ABCA3: variants seen among roughly 807,000 people sequenced by gnomAD.
The protein encoded by ABCA3 is ATP binding cassette subfamily A member 3.
Under a neutral mutation model 172.8 loss-of-function variants are expected in ABCA3, and 88 were observed. That is an observed-to-expected ratio of 0.51 (90% CI 0.43 to 0.61). The LOEUF is 0.61. ABCA3 is among the 20% of genes least tolerant of loss of function. ABCA3 has a pLI of 0.00. For missense variants in ABCA3, 2,164 were observed against 2,301.0 expected, an observed-to-expected ratio of 0.94 and a Z score of 1.22; for synonymous variants, 1,066 against 983.8, an observed-to-expected ratio of 1.08 and a Z score of -1.56.
intron 10 of ABCA3, among the ~76,000 whole-genome samples, chr16:2,310,264 C>T (rs1472275561): frequency 6.6e-6 from 1 of 151,784 alleles, no homozygotes; most frequent in African/African-American, 2.4e-5. Context: ...ATTAGCTGGG[C>T]ATGGGTGGTG....
rs919381142 is a variant in ABCA3 at position 2,283,097 on chromosome 16, A to C, written c.4035+89T>G. Reference sequence around the variant, plus strand: ...TGGTGCAGGAGCTGCCTGGTGGAGAAGGAGGTGGAGCTGCCCCAGGTTGTG... The same window carrying C: ...TGGTGCAGGAGCTGCCTGGTGGAGACGGAGGTGGAGCTGCCCCAGGTTGTG... On this transcript the variant is annotated intron_variant, in intron 26 of 32. Coordinates refer to ENST00000301732, the MANE Select transcript of ABCA3 (RefSeq NM_001089.3). This position sits in a 1 kb window ranked among gnomAD's most constrained non-coding sequence, Gnocchi z 5.4. 1 of 1,389,802 alleles carries C rather than the reference A, an allele frequency of 7.2e-7. No homozygotes were observed. Among genetic ancestry groups the C allele is most frequent in the African/African-American group, 1.4e-5 (1 of 69,968 alleles). 86.1% of individuals were successfully genotyped at this position (1,389,802 alleles called of 1,614,324 possible). A position where few individuals can be genotyped will look rare whatever the true frequency, so the allele number is the denominator to read the frequency against.
At chr16:2,334,874 G>C (rs987540557) in intron 1 of ABCA3, among the ~76,000 whole-genome samples, 2 of 150,952 alleles carry the variant, frequency 1.3e-5, no homozygotes, top group Non-Finnish European at 2.9e-5. Flanking sequence ...TGTTGCCCAG[G>C]CTGGAGTGCA....
rs540216320 is a variant in ABCA3, at chr16:2,278,635, C to T, written c.4548-177G>A. Among the ~76,000 whole-genome samples the T allele has an allele frequency of 7.9e-4, 121 of 152,314 alleles. 1 individual carries two copies. In the South Asian group the frequency reaches 0.014, roughly 18 times the overall value. ...AAAGCCCACCGCATAGGGCTGGAGG[C>T]CCCAGAGAAGGCTGTTCCCAGGGGC... On this transcript the variant is annotated intron_variant, in intron 29 of 32. Coordinates refer to ENST00000301732, the MANE Select transcript of ABCA3 (RefSeq NM_001089.3). This position sits in a 1 kb window ranked among gnomAD's most constrained non-coding sequence, Gnocchi z 4.4.
chr16:2,281,905 A>G lies in ABCA3; in HGVS notation c.4036-396T>C, dbSNP rs1288590991. On this transcript the variant is annotated intron_variant, in intron 26 of 32. Coordinates refer to ENST00000301732, the MANE Select transcript of ABCA3 (RefSeq NM_001089.3). The surrounding 1 kb of genome is among the most constrained non-coding windows in gnomAD (Gnocchi z 4.7). The stretch of plus-strand genomic sequence containing the variant: ...CTGCAAACTCTGCCTCCCAGGTTCA[A>G]CTGATTCTCCTGCTTCAGCCTCCCG... Among the ~76,000 whole-genome samples the G allele has an allele frequency of 2.6e-5, 4 of 151,994 alleles. No homozygotes were observed. Among genetic ancestry groups the G allele is most frequent in the Non-Finnish European group, 5.9e-5 (4 of 67,974 alleles).
At chr16:2,320,095 CAT>C (rs1209575472) in intron 7 of ABCA3, among the ~76,000 whole-genome samples, 2 of 151,886 alleles carry the variant, frequency 1.3e-5, no homozygotes, top group African/African-American at 2.4e-5. Context: ...AAATCACACA[CAT>C]GATCACTTTT....
In ABCA3 at chr16:2,297,805, G is replaced by A; in HGVS notation, c.2013C>T (p.Arg671=). The change falls in exon 16 of 33, where the codon CGC becomes CGT. Residue 671 remains arginine (R), a synonymous_variant. Coordinates refer to ENST00000301732, the MANE Select transcript of ABCA3 (RefSeq NM_001089.3). This position sits in a 1 kb window ranked among gnomAD's most constrained non-coding sequence, Gnocchi z 5.6. The part of the protein sequence containing the change: ...RSRFLSGGMR[R]KLSIGIALIA... ...TGAGGGCGATGCCGATGGAGAGCTT[G>A]CGCCTCATGCCCCCGCTCAGGAAGC... is the stretch of plus-strand genomic sequence containing the variant. 1 of 1,613,432 alleles carries A rather than the reference G, an allele frequency of 6.2e-7. No individual in the cohort carries two copies. The highest frequency in any genetic ancestry group is 8.5e-7 in the Non-Finnish European group (1 of 1,180,042).
chr16:2,316,328 A>G (rs1459259939), intron 10 of ABCA3, among the ~76,000 whole-genome samples: 1 of 140,310 alleles, frequency 7.1e-6, no homozygotes, highest in African/African-American at 2.8e-5. Flanking sequence ...AAAAAAGAAA[A>G]AAGAAAAGAA....
At chr16:2,312,427 G>A (rs1027160287) in intron 10 of ABCA3, among the ~76,000 whole-genome samples, 6 of 151,506 alleles carry the variant, frequency 4.0e-5, no homozygotes, top group South Asian at 2.1e-4. Flanking sequence ...ATCCCATTTC[G>A]TCACACAGAA....
Position 2,284,810 on chromosome 16 carries a change from G to A in ABCA3, c.3672C>T (p.Thr1224=). 1 of 1,613,920 alleles carries A rather than the reference G, an allele frequency of 6.2e-7. No homozygotes were observed. Among genetic ancestry groups the A allele is most frequent in the Non-Finnish European group, 8.5e-7 (1 of 1,179,976 alleles). ...TIFNILSGIA[T]FLMVTIMRIP... ...TGCGCATGATGGTGACCATCAGGAA[G>A]GTGGCGATGCCTGACAGGATGTTGA... Residue 1224 remains threonine, a synonymous_variant, in exon 24 of 33, where the codon ACC becomes ACT. Coordinates refer to ENST00000301732, the MANE Select transcript of ABCA3 (RefSeq NM_001089.3). This position sits in a 1 kb window ranked among gnomAD's most constrained non-coding sequence, Gnocchi z 5.9.
intron 18 of ABCA3, among the ~76,000 whole-genome samples, chr16:2,294,137 C>T (rs1013369949): frequency 6.6e-6 from 1 of 151,324 alleles, no homozygotes; most frequent in African/African-American, 2.4e-5. Flanking sequence ...CCTGCCTCAG[C>T]CTCCTGAGTA....
At chr16:2,307,762 C>T (rs1459278396) in intron 11 of ABCA3, among the ~76,000 whole-genome samples, 3 of 152,062 alleles carry the variant, frequency 2.0e-5, no homozygotes, top group African/African-American at 2.4e-5. Context: ...CCTGCCACCA[C>T]GCCCGGCTAA....
In ABCA3 at chr16:2,308,352, C is replaced by T. The variant is rs1487166696; in HGVS notation, c.1285+98G>A. On this transcript the variant is annotated intron_variant, in intron 11 of 32. Coordinates refer to ENST00000301732, the MANE Select transcript of ABCA3 (RefSeq NM_001089.3). ...TCAGTGGTCCCAACTGCCTGCCAAC[C>T]GTCCCAGGTGGAGCCTTGCTGCTGG... The T allele has an allele frequency of 3.4e-6, 5 of 1,477,726 alleles. No homozygotes were observed. In the Admixed American group the frequency reaches 5.5e-5, roughly 16 times the overall value. The allele number at this position is 1,477,726 out of a possible 1,614,324, so 91.5% of individuals were successfully genotyped here.
chr16:2,332,630 T>C, intron 1 of ABCA3: 1 of 1,600,404 alleles, frequency 6.2e-7, no homozygotes, highest in Non-Finnish European at 8.5e-7. Context: ...GGCGGCTCAA[T>C]CTTCTCCAGG....
chr16:2,293,631 G>A (rs528202206), intron 18 of ABCA3, among the ~76,000 whole-genome samples: 10 of 150,912 alleles, frequency 6.6e-5, no homozygotes, highest in East Asian at 2.0e-4. Flanking sequence ...TCTGCCTCCC[G>A]GCTTCATGCC....
chr16:2,277,781 TGGC>T lies in ABCA3; in HGVS notation c.4909+95_4909+97del. ...TCCCAGGGATTGGGGAGATGGGACT[TGGC>T]GGGGCGAGGCACAGACGCTCCGCAC... On this transcript the variant is annotated intron_variant, in intron 31 of 32. Transcript: ENST00000301732. This position sits in a 1 kb window ranked among gnomAD's most constrained non-coding sequence, Gnocchi z 5.3. 6.3e-7 allele frequency: 1 copy of T among 1,590,806 alleles called. No homozygotes were observed. The highest frequency in any genetic ancestry group is 8.6e-7 in the Non-Finnish European group (1 of 1,167,250).
chr16:2,315,699 C>T (rs1007139492), intron 10 of ABCA3, among the ~76,000 whole-genome samples: 27 of 151,906 alleles, frequency 1.8e-4, no homozygotes, highest in African/African-American at 6.3e-4. Context: ...GGGTCCCTCT[C>T]GTTCTCCAGG....
rs182453538 is a variant in ABCA3 at position 2,306,971 on chromosome 16, C to T, written c.1285+1479G>A. Among the ~76,000 whole-genome samples the T allele has an allele frequency of 2.1e-3, 292 of 141,344 alleles. 2 individuals carry two copies. The highest frequency in any genetic ancestry group is 7.4e-3 in the African/African-American group (278 of 37,340). 92.7% of individuals were successfully genotyped at this position (141,344 alleles called of 152,430 possible). A position where few individuals can be genotyped will look rare whatever the true frequency, so the allele number is the denominator to read the frequency against. ...CGGAGCTTGCAGTGAGCCGAGATTG[C>T]GCCACTGCCCTCCAGCCTGGGTGAA... On this transcript the variant is annotated intron_variant, in intron 11 of 32. Transcript: ENST00000301732.
chr16:2,323,567 T>G lies in ABCA3; in HGVS notation c.569A>C (p.Asn190Thr), dbSNP rs1255227001. 6.2e-7 allele frequency: 1 copy of G among 1,613,934 alleles called. No homozygotes were observed. The highest frequency in any genetic ancestry group is 1.3e-5 in the African/African-American group (1 of 74,892). Residue 190 changes from asparagine (N) to threonine (T), a missense_variant, in exon 7 of 33, where the codon AAC becomes ACC. Around this residue, in one of 3 missense-constraint regions of ABCA3, gnomAD observed 1,343 missense variants for 1,369.6 expected, o/e 0.98. Transcript: ENST00000301732. ...GGATGTAGGTTCCCTTGGTCCTGGGTTTGGGAAAAGCGGGAAAAGGGAAGT... is the reference window on the plus strand; with the variant it reads ...GGATGTAGGTTCCCTTGGTCCTGGGGTTGGGAAAAGCGGGAAAAGGGAAGT... ...HTTSLFPLFP[N>T]PGPREPTSPD...
In ABCA3 at chr16:2,298,071, T is replaced by C. The variant is rs1312986549; in HGVS notation, c.1897-150A>G. 15 of 785,658 alleles carry C rather than the reference T, an allele frequency of 1.9e-5. 1 individual carries two copies. The highest frequency in any genetic ancestry group is 2.5e-5 in the Non-Finnish European group (13 of 521,874). 48.7% of individuals were successfully genotyped at this position (785,658 alleles called of 1,614,324 possible). Reference sequence around the variant, plus strand: ...AGGCCGACCACGGCCAGCAAGGTTCTGGTGAGAGGAACCTCTCCTTGACGT... The same window carrying C: ...AGGCCGACCACGGCCAGCAAGGTTCCGGTGAGAGGAACCTCTCCTTGACGT... On this transcript the variant is annotated intron_variant, in intron 15 of 32. Coordinates refer to ENST00000301732, the MANE Select transcript of ABCA3 (RefSeq NM_001089.3).
Sources: gnomAD v4.1 joint callset for allele counts (sites outside exome capture counted in the v4.1 genomes callset) on GRCh38, gnomAD v4.1.1 for gene constraint, gnomAD v4.1.1 regional missense constraint, Gnocchi (gnomAD v3.1) non-coding constraint, MANE v1.5 for transcripts, NCBI Gene and HGNC (gene_info 2026-07-23, HGNC 2026-07-21) for gene names.